The following TRPM3 variants were observed in gnomAD, a reference collection of about 807,000 sequenced individuals.
The protein encoded by TRPM3 is transient receptor potential cation channel subfamily M member 3.
Under a neutral mutation model 181.2 loss-of-function variants are expected in TRPM3, and 77 were observed. That is an observed-to-expected ratio of 0.42 (90% CI 0.35 to 0.51). TRPM3 has a LOEUF of 0.51. Ranked by LOEUF, TRPM3 falls within the 20% of genes least tolerant of loss-of-function variation. The pLI, the probability that TRPM3 is intolerant of heterozygous loss-of-function variation, is 0.01. For missense variants in TRPM3, 1,759 were observed against 2,196.7 expected (o/e 0.80, Z 3.98); for synonymous variants, 745 against 796.4 (o/e 0.94, Z 1.09).
At position 71,018,275 on chromosome 9, in the gene TRPM3, G is replaced by A. The variant is rs190284208; in HGVS notation, c.177+102903C>T. On this transcript the variant is annotated intron_variant, in intron 1 of 25. Transcript: ENST00000677713. ...CTCCAAGGTCTATCTCAAGAAGCTAGGGGAAAAAAAGTTAAATCAAAATAA... is the reference window on the plus strand; with the variant it reads ...CTCCAAGGTCTATCTCAAGAAGCTAAGGGAAAAAAAGTTAAATCAAAATAA... Among the ~76,000 whole-genome samples the A allele has an allele frequency of 3.1e-3, 465 of 150,924 alleles. 2 individuals are homozygous for A. Among genetic ancestry groups the A allele is most frequent in the African/African-American group, 0.011 (440 of 41,292 alleles).
chr9:70,763,791 T>C (rs1469810847), intron 7 of TRPM3, among the ~76,000 whole-genome samples: 1 of 152,118 alleles, frequency 6.6e-6, no homozygotes, highest in Non-Finnish European at 1.5e-5. Flanking sequence ...AATTCAACCA[T>C]GATTGTCAGT....
chr9:71,391,894 G>C (rs2093070438), intron 1 of TRPM3, among the ~76,000 whole-genome samples: 1 of 151,988 alleles, frequency 6.6e-6, no homozygotes, highest in South Asian at 2.1e-4. Flanking sequence ...CAATTTAGAG[G>C]TATTTTAAGG....
chr9:71,321,662 A>T (rs1017883349), intron 1 of TRPM3, among the ~76,000 whole-genome samples: 1 of 152,176 alleles, frequency 6.6e-6, no homozygotes, highest in African/African-American at 2.4e-5. Context: ...CTGTGAGATG[A>T]ACTTCCTGGT....
intron 1 of TRPM3, among the ~76,000 whole-genome samples, chr9:71,119,304 T>C (rs1198988097): frequency 2.6e-5 from 4 of 152,176 alleles, no homozygotes; most frequent in African/African-American, 7.2e-5. Context: ...TGCACTTTAT[T>C]CAATAAATTA....
rs531663443 is a variant in TRPM3, at chr9:70,642,092, G to A, written c.1346-1432C>T. Among the ~76,000 whole-genome samples, 51 of 152,238 alleles carry A rather than the reference G, an allele frequency of 3.4e-4. 1 individual carries two copies. In the South Asian group the frequency reaches 1.0e-2, roughly 30 times the overall value. On this transcript the variant is annotated intron_variant, in intron 9 of 25. Transcript: ENST00000677713. ...TCATGCTGCTGGATATCTCACGATCGGGGAGGAGGATAAAGAGACAACCTT... is the reference window on the plus strand; with the variant it reads ...TCATGCTGCTGGATATCTCACGATCAGGGAGGAGGATAAAGAGACAACCTT...
At chr9:71,067,289 C>T (rs989718883) in intron 1 of TRPM3, among the ~76,000 whole-genome samples, 4 of 152,174 alleles carry the variant, frequency 2.6e-5, no homozygotes, top group African/African-American at 9.6e-5. Context: ...TGGAAAGTAC[C>T]AAGCAAAAAT....
intron 1 of TRPM3, among the ~76,000 whole-genome samples, chr9:71,218,087 T>C (rs1367004897): frequency 2.6e-5 from 4 of 152,218 alleles, no homozygotes; most frequent in Non-Finnish European, 5.9e-5. Context: ...CAAGATTTGA[T>C]TAAAGGCAAA....
chr9:71,127,126 T>A (rs1336193140), intron 1 of TRPM3, among the ~76,000 whole-genome samples: 1 of 152,056 alleles, frequency 6.6e-6, no homozygotes, highest in Non-Finnish European at 1.5e-5. Context: ...AGGGGTACTT[T>A]AAATATAGTA....
chr9:70,889,099 A>G (rs1247343369), intron 1 of TRPM3, among the ~76,000 whole-genome samples: 1 of 152,188 alleles, frequency 6.6e-6, no homozygotes, highest in Non-Finnish European at 1.5e-5. Context: ...AGCAAGAAAC[A>G]ACCTGATTCA....
intron 1 of TRPM3, among the ~76,000 whole-genome samples, chr9:71,166,494 C>G (rs144015983): frequency 6.6e-6 from 1 of 151,882 alleles, no homozygotes; most frequent in Admixed American, 6.6e-5. Context: ...GCAGCCAAGG[C>G]CATAGTCTAC....
chr9:70,885,762 T>C (rs2096073150), intron 1 of TRPM3, among the ~76,000 whole-genome samples: 1 of 152,212 alleles, frequency 6.6e-6, no homozygotes, highest in African/African-American at 2.4e-5. Context: ...GTACTACATG[T>C]TTACTTCTGC....
intron 1 of TRPM3, among the ~76,000 whole-genome samples, chr9:71,226,155 GT>G (rs2080633638): frequency 2.0e-5 from 3 of 149,038 alleles, no homozygotes; most frequent in Non-Finnish European, 4.4e-5. Flanking sequence ...AAGCCTCATG[GT>G]AATCTCAAAT....
rs1326228323 is a variant in TRPM3 at position 71,058,950 on chromosome 9, A to C, written c.177+62228T>G. ...CTCCACTGGTTTAAGATGTTGCTCC[A>C]TTCATGAATTGTTCTTTGCTCAAAT... On this transcript the variant is annotated intron_variant, in intron 1 of 25. Transcript: ENST00000677713. Among the ~76,000 whole-genome samples, 4 of 146,746 alleles carry C rather than the reference A, an allele frequency of 2.7e-5. No individual in the cohort carries two copies. The South Asian group carries it at 8.7e-4, about 32-fold the overall frequency.
At chr9:71,066,266 A>G (rs1030035936) in intron 1 of TRPM3, among the ~76,000 whole-genome samples, 3 of 152,146 alleles carry the variant, frequency 2.0e-5, no homozygotes, top group Non-Finnish European at 4.4e-5. Context: ...TGACTTAGTG[A>G]CCTTTATTAT....
intron 1 of TRPM3, among the ~76,000 whole-genome samples, chr9:70,998,261 A>AT (rs1335348994): frequency 1.0e-3 from 134 of 131,948 alleles, no homozygotes; most frequent in Non-Finnish European, 1.2e-3. Flanking sequence ...ATATATATAT[A>AT]TATATTTTTT....
intron 1 of TRPM3, among the ~76,000 whole-genome samples, chr9:71,269,575 C>A (rs2860097): frequency 0.53 from 81,053 of 151,964 alleles, 21,817 homozygotes; most frequent in African/African-American, 0.62. Context: ...AGAGTGGGCT[C>A]TTCTTTTATG....
At chr9:70,621,314 A>C (rs765854561) in intron 14 of TRPM3, 41 bp from the exon 15 acceptor site, 4 of 1,544,912 alleles carry the variant, frequency 2.6e-6, no homozygotes, top group East Asian at 2.3e-5. Flanking sequence ...GATCAGTTAG[A>C]TCTTTCTTTC....
chr9:71,405,149 T>A (rs1014266440), intron 1 of TRPM3, among the ~76,000 whole-genome samples: 2 of 152,228 alleles, frequency 1.3e-5, no homozygotes, highest in African/African-American at 4.8e-5. Context: ...CAGTAAATAT[T>A]TGCCAACTGG....
At chr9:71,259,086 T>A (rs540189958) in intron 1 of TRPM3, among the ~76,000 whole-genome samples, 1 of 151,358 alleles carries the variant, frequency 6.6e-6, no homozygotes, top group South Asian at 2.1e-4. Flanking sequence ...GATGTTCCCC[T>A]CCCTGTGCCA....
Sources: allele counts gnomAD v4.1 joint callset (sites outside exome capture counted in the v4.1 genomes callset), GRCh38; gene constraint gnomAD v4.1.1; transcripts MANE v1.5; gene names NCBI Gene and HGNC (gene_info 2026-07-23, HGNC 2026-07-21).